Variants in SBF2 observed in about 807,000 individuals in gnomAD.
SBF2 encodes SET binding factor 2, also known as myotubularin-related protein 13.
Under a neutral mutation model 225.2 loss-of-function variants are expected in SBF2, and 112 were observed. The ratio of observed to expected loss-of-function variants is 0.50; its 90% CI spans 0.43 to 0.58. The LOEUF (loss-of-function observed/expected upper bound fraction) is 0.58. SBF2 is among the 20% of genes least tolerant of loss of function. SBF2 has a pLI of 0.00. For synonymous variants in SBF2, 763 were observed against 773.3 expected, an observed-to-expected ratio of 0.99 and a Z score of 0.22; for missense variants, 1,996 against 2,206.2, an observed-to-expected ratio of 0.90 and a Z score of 1.91.
intron 17 of SBF2, among the ~76,000 whole-genome samples, chr11:9,877,685 T>G (rs1460535575): frequency 3.3e-5 from 5 of 152,220 alleles, no homozygotes; most frequent in Non-Finnish European, 5.9e-5. Context: ...CTGAGAATGA[T>G]GGTTTCCAGC....
intron 3 of SBF2, among the ~76,000 whole-genome samples, chr11:10,034,842 G>GT (rs1242354145): frequency 1.3e-5 from 2 of 152,146 alleles, no homozygotes; most frequent in Non-Finnish European, 2.9e-5. Context: ...GCAAAATTCT[G>GT]TAAGTTCTAA....
At chr11:10,155,950 T>A (rs1192354318) in intron 2 of SBF2, among the ~76,000 whole-genome samples, 1 of 152,222 alleles carries the variant, frequency 6.6e-6, no homozygotes, top group Non-Finnish European at 1.5e-5. Context: ...GCTGGGGCTG[T>A]GCATTCCACA....
intron 2 of SBF2, among the ~76,000 whole-genome samples, chr11:10,172,502 C>A (rs1016425563): frequency 1.3e-5 from 2 of 152,072 alleles, no homozygotes; most frequent in Non-Finnish European, 2.9e-5. Flanking sequence ...CAGGCACCTG[C>A]CACCGCGCCC....
chr11:9,894,471 C>G (rs900022989), intron 17 of SBF2, among the ~76,000 whole-genome samples: 1 of 150,810 alleles, frequency 6.6e-6, no homozygotes, highest in Non-Finnish European at 1.5e-5. Flanking sequence ...GAGCTGAAAT[C>G]GCGCCACTAC....
rs958021463 is a variant in SBF2 at position 9,794,660 on chromosome 11, G to A, written c.4570+1171C>T. ...AGCCTTGGAGACAGAGTGATACAGT[G>A]AGTGGGACTCCGTCTCAAAAAAAAA... On this transcript the variant is annotated intron_variant, in intron 33 of 39. Transcript: ENST00000256190. Among the ~76,000 whole-genome samples, 40 of 103,152 alleles carry A rather than the reference G, an allele frequency of 3.9e-4. 1 individual carries two copies. Among genetic ancestry groups the A allele is most frequent in the Non-Finnish European group, 1.1e-4 (6 of 56,026 alleles). The allele number at this position is 103,152 out of a possible 152,430, so 67.7% of individuals were successfully genotyped here.
intron 16 of SBF2, among the ~76,000 whole-genome samples, chr11:9,908,635 A>G (rs985476850): frequency 1.3e-5 from 2 of 152,126 alleles, no homozygotes; most frequent in African/African-American, 4.8e-5. Flanking sequence ...TCAAAAAAAA[A>G]AAGTCTTATC....
chr11:10,018,817 T>C (rs1423374324), intron 6 of SBF2, among the ~76,000 whole-genome samples: 1 of 152,216 alleles, frequency 6.6e-6, no homozygotes, highest in Non-Finnish European at 1.5e-5. Context: ...ATATTTAATT[T>C]TTAATTTTGA....
At chr11:9,945,421 C>T (rs753670506) in intron 16 of SBF2, among the ~76,000 whole-genome samples, 13 of 152,140 alleles carry the variant, frequency 8.5e-5, no homozygotes, top group Non-Finnish European at 1.8e-4. Context: ...TGGACCCCTT[C>T]CTTTCACTAT....
intron 19 of SBF2, among the ~76,000 whole-genome samples, chr11:9,854,631 C>T (rs979146945): frequency 2.0e-5 from 3 of 152,118 alleles, no homozygotes; most frequent in South Asian, 2.1e-4. Flanking sequence ...GTCACCCAGG[C>T]GAGAGTGCAG....
chr11:9,895,532 T>C (rs1309315574), intron 17 of SBF2, among the ~76,000 whole-genome samples: 4 of 152,054 alleles, frequency 2.6e-5, no homozygotes, highest in Non-Finnish European at 5.9e-5. Flanking sequence ...AGTTAAACTC[T>C]AATTTCTGGC....
At chr11:10,117,440 CA>C (rs57722094) in intron 2 of SBF2, among the ~76,000 whole-genome samples, 5,273 of 40,914 alleles carry the variant, frequency 0.13, 152 homozygotes, top group East Asian at 0.3. Context: ...GAATCCAACT[CA>C]AAAAAAAAAA....
chr11:9,859,119 G>C (rs1210909869), intron 17 of SBF2, among the ~76,000 whole-genome samples: 1 of 152,172 alleles, frequency 6.6e-6, no homozygotes, highest in African/African-American at 2.4e-5. Context: ...GAAGGAAAAT[G>C]AACTCTGCAG....
At chr11:9,882,807 A>C (rs1253949425) in intron 17 of SBF2, among the ~76,000 whole-genome samples, 4 of 83,612 alleles carry the variant, frequency 4.8e-5, no homozygotes, top group African/African-American at 3.2e-4. Flanking sequence ...AAAAAAAAAA[A>C]AAAAAAAAAA....
At chr11:10,070,140 G>A (rs958725524) in intron 2 of SBF2, among the ~76,000 whole-genome samples, 1 of 151,860 alleles carries the variant, frequency 6.6e-6, no homozygotes, top group East Asian at 1.9e-4. Flanking sequence ...TCTTTTGCTG[G>A]GCAGAAGCTC....
At chr11:9,789,525 AATC>A (rs1852602264) in intron 34 of SBF2, among the ~76,000 whole-genome samples, 183 bp from the exon 35 acceptor site, 1 of 152,166 alleles carries the variant, frequency 6.6e-6, no homozygotes, top group South Asian at 2.1e-4. Context: ...AACATTCTCC[AATC>A]CTCCCTCCTA....
chr11:10,032,854 T>C (rs372989214), intron 3 of SBF2, among the ~76,000 whole-genome samples: 6 of 152,244 alleles, frequency 3.9e-5, no homozygotes, highest in African/African-American at 1.4e-4. Flanking sequence ...TTTCTTGGCA[T>C]AGTTTTTTGA....
At chr11:9,961,698 T>G (rs1441998353) in intron 16 of SBF2, 2 of 371,398 alleles carry the variant, frequency 5.4e-6, no homozygotes, top group Non-Finnish European at 9.8e-6. Context: ...TGACTTTTCA[T>G]TTTCAAAGAA....
Position 10,127,455 on chromosome 11 carries a change from G to A in SBF2, c.141+66447C>T, listed in dbSNP as rs535804176. Among the ~76,000 whole-genome samples the A allele has an allele frequency of 9.9e-5, 15 of 151,968 alleles. No homozygotes were observed. The East Asian group carries it at 2.7e-3, about 27-fold the overall frequency. The stretch of plus-strand genomic sequence containing the variant: ...CTCCAATGCATCCTTTTCTATTGTT[G>A]TTATCTCATCAACATCCCTCCATTG... On this transcript the variant is annotated intron_variant, in intron 2 of 39. Transcript: ENST00000256190.
chr11:10,056,701 GCAGGACCTCCCAAC>G (rs1432222279), intron 2 of SBF2, among the ~76,000 whole-genome samples: 1 of 152,204 alleles, frequency 6.6e-6, no homozygotes, highest in Non-Finnish European at 1.5e-5. Flanking sequence ...TCATCACTGA[GCAGGACCTCCCAAC>G]CAGGGCCTCC....
Sources: gnomAD v4.1 joint callset for allele counts (sites outside exome capture counted in the v4.1 genomes callset) on GRCh38, gnomAD v4.1.1 for gene constraint, MANE v1.5 for transcripts, NCBI Gene and HGNC (gene_info 2026-07-23, HGNC 2026-07-21) for gene names.